Variants in ASTN1 observed in about 807,000 individuals in gnomAD.
The protein encoded by ASTN1 is astrotactin 1, also known as astrotactin-1.
In ASTN1, 41 loss-of-function variants were observed where a neutral mutation model predicts 140.7. The observed-to-expected ratio is 0.29, with a 90% CI of 0.23 to 0.38. ASTN1 has a LOEUF of 0.38. Among genes scored for constraint, ASTN1 ranks in the 10% least tolerant of loss-of-function variants. The pLI is 1.00. For missense variants in ASTN1, 1,479 were observed against 1,678.8 expected, an observed-to-expected ratio of 0.88 and a Z score of 2.08; for synonymous variants, 640 against 652.2, an observed-to-expected ratio of 0.98 and a Z score of 0.29.
chr1:177,056,369 A>C (rs957855555), intron 2 of ASTN1, among the ~76,000 whole-genome samples: 1 of 152,010 alleles, frequency 6.6e-6, no homozygotes, highest in African/African-American at 2.4e-5. Context: ...GATCCCAGAA[A>C]CAGGGAGCCT....
At chr1:177,014,669 T>C in intron 8 of ASTN1, 122 bp downstream of exon 8, 1 of 789,530 alleles carries the variant, frequency 1.3e-6, no homozygotes, top group Non-Finnish European at 2.1e-6. Context: ...TTTTTACCCA[T>C]TTGCTGTTCA....
chr1:177,021,238 T>C (rs1675809053), intron 7 of ASTN1, among the ~76,000 whole-genome samples: 1 of 152,196 alleles, frequency 6.6e-6, no homozygotes. Context: ...GGGAGATTAT[T>C]TTTAGTCTTC....
At chr1:176,939,561 T>C (rs996343887) in intron 14 of ASTN1, among the ~76,000 whole-genome samples, 1 of 152,154 alleles carries the variant, frequency 6.6e-6, no homozygotes, top group Non-Finnish European at 1.5e-5. Flanking sequence ...AAAAGATATA[T>C]ATTTTCTAGG....
chr1:176,909,009 A>C (rs1208762260), intron 16 of ASTN1, among the ~76,000 whole-genome samples: 1 of 152,212 alleles, frequency 6.6e-6, no homozygotes, highest in African/African-American at 2.4e-5. Context: ...AGTCTCCTAC[A>C]GTGGTGGTGA....
At chr1:176,945,841 A>G (rs764215923) in intron 13 of ASTN1, 85 bp downstream of exon 13, 76 of 1,362,540 alleles carry the variant, frequency 5.6e-5, no homozygotes, top group Non-Finnish European at 7.4e-5. Flanking sequence ...CTGCTCCAAC[A>G]TATAAAGCTT....
At chr1:177,117,194 T>G (rs1412495589) in intron 1 of ASTN1, among the ~76,000 whole-genome samples, 1 of 152,154 alleles carries the variant, frequency 6.6e-6, no homozygotes, top group Admixed American at 6.5e-5. Context: ...AGTTATTTAT[T>G]TCTAGACACA....
At chr1:177,129,108 CA>C (rs761654504) in intron 1 of ASTN1, among the ~76,000 whole-genome samples, 79 of 152,038 alleles carry the variant, frequency 5.2e-4, no homozygotes, top group Non-Finnish European at 1.0e-3. Context: ...GAAACCAGAC[CA>C]CATTTCACCA....
At chr1:177,003,192 C>T (rs568667677) in intron 8 of ASTN1, among the ~76,000 whole-genome samples, 10 of 151,730 alleles carry the variant, frequency 6.6e-5, no homozygotes, top group African/African-American at 2.4e-4. Context: ...CACACACACA[C>T]AAAAACTGCA....
At chr1:176,947,356 G>T (rs1351004344) in intron 12 of ASTN1, among the ~76,000 whole-genome samples, 1 of 152,194 alleles carries the variant, frequency 6.6e-6, no homozygotes, top group Non-Finnish European at 1.5e-5. Context: ...ACCTTTAACT[G>T]CTTTTTCCAT....
At chr1:176,882,837 T>G (rs770527514) in intron 20 of ASTN1, 22 bp downstream of exon 20, 2 of 1,613,666 alleles carry the variant, frequency 1.2e-6, no homozygotes, top group African/African-American at 2.7e-5. Context: ...AAGAAGTCAC[T>G]AGGTAGGTGT....
intron 16 of ASTN1, among the ~76,000 whole-genome samples, chr1:176,927,488 C>A (rs1671022152): frequency 6.6e-6 from 1 of 152,196 alleles, no homozygotes; most frequent in Non-Finnish European, 1.5e-5. Flanking sequence ...GTGCTTAGTG[C>A]ATCAGGTGAG....
At chr1:177,095,017 G>A (rs922737646) in intron 1 of ASTN1, among the ~76,000 whole-genome samples, 2 of 152,268 alleles carry the variant, frequency 1.3e-5, no homozygotes, top group African/African-American at 4.8e-5. Flanking sequence ...ATAAAGCAAC[G>A]AAGAACTTGG....
intron 1 of ASTN1, among the ~76,000 whole-genome samples, chr1:177,093,110 A>G (rs1679845036): frequency 6.6e-6 from 1 of 152,232 alleles, no homozygotes; most frequent in Non-Finnish European, 1.5e-5. Context: ...CCTAGAAAAA[A>G]GTCTGGTACA....
At chr1:177,068,555 C>A (rs1678475597) in intron 1 of ASTN1, among the ~76,000 whole-genome samples, 1 of 152,096 alleles carries the variant, frequency 6.6e-6, no homozygotes, top group Non-Finnish European at 1.5e-5. Context: ...GGACAGGAAG[C>A]CTGGAGAATG....
chr1:177,081,321 T>A (rs11585723), intron 1 of ASTN1, among the ~76,000 whole-genome samples: 69,327 of 152,040 alleles, frequency 0.46, 17,248 homozygotes, highest in Non-Finnish European at 0.57. Context: ...TTCATGCCAA[T>A]TACTAAAGAT....
intron 11 of ASTN1, among the ~76,000 whole-genome samples, chr1:176,957,104 A>C (rs1289506467): frequency 6.6e-6 from 1 of 151,676 alleles, no homozygotes; most frequent in African/African-American, 2.4e-5. Context: ...GGGTCTCACT[A>C]TGTTGCCCAG....
At chr1:176,948,294 G>A (rs917242991) in intron 12 of ASTN1, among the ~76,000 whole-genome samples, 1 of 146,884 alleles carries the variant, frequency 6.8e-6, no homozygotes, top group Non-Finnish European at 1.5e-5. Context: ...GAGAGGGGAG[G>A]GGAGGGAGAG....
At chr1:176,965,118 AGGGT>A (rs1672821374) in intron 9 of ASTN1, 41 bp downstream of exon 9, 1 of 1,568,664 alleles carries the variant, frequency 6.4e-7, no homozygotes, top group Non-Finnish European at 8.8e-7. Flanking sequence ...AGCGGAACAC[AGGGT>A]TTGCAGACGT....
chr1:177,153,168 G>T (rs1227292240), intron 1 of ASTN1, among the ~76,000 whole-genome samples: 2 of 152,140 alleles, frequency 1.3e-5, no homozygotes, highest in Non-Finnish European at 2.9e-5. Context: ...TTCCTTGGAG[G>T]TAAGTGAGTT....
Sources: allele counts gnomAD v4.1 joint callset (sites outside exome capture counted in the v4.1 genomes callset), GRCh38; gene constraint gnomAD v4.1.1; transcripts MANE v1.5; gene names NCBI Gene and HGNC (gene_info 2026-07-23, HGNC 2026-07-21).